The following PTPRD variants were observed in gnomAD, a reference collection of about 807,000 sequenced individuals.
PTPRD encodes the protein receptor-type tyrosine-protein phosphatase delta.
In PTPRD, 34 loss-of-function variants were observed where a neutral mutation model predicts 214.5. The observed-to-expected ratio is 0.16, with a 90% CI of 0.12 to 0.21. The LOEUF is 0.21. PTPRD is among the 10% of genes least tolerant of loss of function. The pLI, the probability that PTPRD is intolerant of heterozygous loss-of-function variation, is 1.00. For missense variants in PTPRD, 2,545 were observed against 2,398.7 expected, an observed-to-expected ratio of 1.06 and a Z score of -1.27; for synonymous variants, 1,128 against 845.7, an observed-to-expected ratio of 1.33 and a Z score of -5.79.
chr9:8,377,496 C>T (rs1286005496), intron 37 of PTPRD, among the ~76,000 whole-genome samples: 1 of 152,086 alleles, frequency 6.6e-6, no homozygotes, highest in African/African-American at 2.4e-5. Context: ...CTCAAATTCA[C>T]TGAATGAGTC....
intron 4 of PTPRD, among the ~76,000 whole-genome samples, chr9:9,989,387 C>T (rs538359275): frequency 4.0e-4 from 61 of 152,212 alleles, no homozygotes; most frequent in Non-Finnish European, 8.1e-4. Flanking sequence ...GGTAGAGGAG[C>T]AGAGCGGCAG....
chr9:8,651,663 G>A (rs1205083680), intron 12 of PTPRD, among the ~76,000 whole-genome samples: 1 of 151,988 alleles, frequency 6.6e-6, no homozygotes, highest in Non-Finnish European at 1.5e-5. Flanking sequence ...TGCCTTCTGT[G>A]AACTGAAACA....
At chr9:10,268,115 C>CTTT (rs375227811) in intron 3 of PTPRD, among the ~76,000 whole-genome samples, 4 of 132,802 alleles carry the variant, frequency 3.0e-5, no homozygotes, top group East Asian at 2.2e-4. Flanking sequence ...CCATCTCCAT[C>CTTT]TTTTTTTTTT....
chr9:10,162,756 T>C (rs1241639466), intron 3 of PTPRD, among the ~76,000 whole-genome samples: 3 of 139,416 alleles, frequency 2.2e-5, no homozygotes, highest in South Asian at 2.3e-4. Context: ...TATACATATA[T>C]ATAAATATAT....
At chr9:8,471,290 G>A (rs1247178990) in intron 30 of PTPRD, among the ~76,000 whole-genome samples, 3 of 152,064 alleles carry the variant, frequency 2.0e-5, no homozygotes, top group African/African-American at 4.8e-5. Context: ...TGATTGCAGT[G>A]ATCTTGTATG....
intron 11 of PTPRD, among the ~76,000 whole-genome samples, chr9:8,736,342 C>A (rs944234486): frequency 1.8e-4 from 27 of 152,120 alleles, no homozygotes; most frequent in African/African-American, 6.3e-4. Context: ...TAGATCACAT[C>A]CTACTGCATC....
chr9:8,907,145 T>C (rs966114926), intron 11 of PTPRD, among the ~76,000 whole-genome samples: 9 of 151,692 alleles, frequency 5.9e-5, no homozygotes. Flanking sequence ...AAAATACTTA[T>C]AAACACACCA....
chr9:10,353,320 G>C (rs1440113383), intron 2 of PTPRD, among the ~76,000 whole-genome samples: 1 of 151,850 alleles, frequency 6.6e-6, no homozygotes, highest in Non-Finnish European at 1.5e-5. Flanking sequence ...GATAAGAATG[G>C]AACCACTAAG....
intron 3 of PTPRD, among the ~76,000 whole-genome samples, chr9:10,195,762 A>T (rs546980188): frequency 6.6e-6 from 1 of 152,342 alleles, no homozygotes; most frequent in South Asian, 2.1e-4. Context: ...GAGGAGATGA[A>T]GCCTGAAATA....
chr9:8,737,022 C>A (rs1317691467), intron 11 of PTPRD, among the ~76,000 whole-genome samples: 1 of 152,132 alleles, frequency 6.6e-6, no homozygotes, highest in Non-Finnish European at 1.5e-5. Context: ...TCTGTGCAAG[C>A]GTATCAGAGC....
intron 3 of PTPRD, among the ~76,000 whole-genome samples, chr9:10,051,883 A>G (rs1011162422): frequency 2.6e-5 from 4 of 152,192 alleles, no homozygotes; most frequent in Non-Finnish European, 5.9e-5. Flanking sequence ...AAATTCACAT[A>G]TTAGTTAAAA....
intron 8 of PTPRD, among the ~76,000 whole-genome samples, chr9:9,552,304 G>A (rs1390183132): frequency 6.6e-6 from 1 of 151,972 alleles, no homozygotes; most frequent in Non-Finnish European, 1.5e-5. Context: ...TTTCAAGTCA[G>A]TCATTGTTTT....
At chr9:8,542,302 T>G (rs959832463) in intron 14 of PTPRD, among the ~76,000 whole-genome samples, 1 of 152,044 alleles carries the variant, frequency 6.6e-6, no homozygotes, top group Admixed American at 6.6e-5. Context: ...AAAAATGCAT[T>G]GGGGAAAAGC....
intron 5 of PTPRD, among the ~76,000 whole-genome samples, chr9:9,927,151 T>C (rs755682763): frequency 2.0e-5 from 3 of 152,172 alleles, no homozygotes; most frequent in Non-Finnish European, 4.4e-5. Flanking sequence ...ATATTGAGTA[T>C]TTCTATATTA....
chr9:9,343,899 G>A (rs1050261580), intron 9 of PTPRD, among the ~76,000 whole-genome samples: 1 of 152,084 alleles, frequency 6.6e-6, no homozygotes, highest in Non-Finnish European at 1.5e-5. Flanking sequence ...CCAATGAGAA[G>A]AAACAGGTTA....
intron 8 of PTPRD, among the ~76,000 whole-genome samples, chr9:9,564,422 G>A (rs75924746): frequency 0.013 from 2,027 of 152,118 alleles, 33 homozygotes; most frequent in African/African-American, 0.046. Context: ...GAGGAATGCA[G>A]GGGGCCTTGT....
intron 8 of PTPRD, among the ~76,000 whole-genome samples, chr9:9,462,506 CA>C (rs1260844062): frequency 1.3e-5 from 2 of 152,002 alleles, no homozygotes; most frequent in Non-Finnish European, 2.9e-5. Flanking sequence ...TTAATATATA[CA>C]GATAAGTTAA....
chr9:9,922,879 T>C (rs12002613), intron 5 of PTPRD, among the ~76,000 whole-genome samples: 15,612 of 151,974 alleles, frequency 0.1, 1,620 homozygotes, highest in East Asian at 0.29. Context: ...TACATGATTC[T>C]AGGTTGGACT....
At chr9:9,547,501 G>A (rs536682283) in intron 8 of PTPRD, among the ~76,000 whole-genome samples, 8 of 152,058 alleles carry the variant, frequency 5.3e-5, no homozygotes, top group East Asian at 3.9e-4. Context: ...GTAAAACATC[G>A]ATAATAATAG....
Sources: allele counts gnomAD v4.1 joint callset (sites outside exome capture counted in the v4.1 genomes callset), GRCh38; gene constraint gnomAD v4.1.1; transcripts MANE v1.5; gene names NCBI Gene and HGNC (gene_info 2026-07-23, HGNC 2026-07-21).